RASA1: variants seen among roughly 807,000 people sequenced by gnomAD.
The protein encoded by RASA1 is RAS p21 protein activator 1.
In RASA1, 25 loss-of-function variants were observed where a neutral mutation model predicts 132.2. The ratio of observed to expected loss-of-function variants is 0.19; its 90% confidence interval spans 0.14 to 0.26. The LOEUF is 0.26. Ranked by LOEUF, RASA1 falls within the 10% of genes least tolerant of loss-of-function variation. RASA1 has a pLI of 1.00. For missense variants in RASA1, 964 were observed against 1,299.2 expected (o/e 0.74, Z 3.97); for synonymous variants, 477 against 449.9 (o/e 1.06, Z -0.76).
At chr5:87,301,610 C>T (rs1015278110) in intron 1 of RASA1, among the ~76,000 whole-genome samples, 1 of 152,092 alleles carries the variant, frequency 6.6e-6, no homozygotes, top group Non-Finnish European at 1.5e-5. Flanking sequence ...TTGAGTTTCC[C>T]TTAATGCTTA....
At chr5:87,361,076 T>C (rs920980083) in intron 9 of RASA1, among the ~76,000 whole-genome samples, 4 of 152,180 alleles carry the variant, frequency 2.6e-5, no homozygotes, top group Non-Finnish European at 4.4e-5. Flanking sequence ...ATTTCAGTTA[T>C]ATCATCCTCT....
At chr5:87,285,583 T>G (rs1463889658) in intron 1 of RASA1, among the ~76,000 whole-genome samples, 1 of 151,892 alleles carries the variant, frequency 6.6e-6, no homozygotes, top group Non-Finnish European at 1.5e-5. Context: ...TTAAAAACTT[T>G]TTTTTAAGAT....
At chr5:87,345,845 T>G (rs557251960) in intron 6 of RASA1, among the ~76,000 whole-genome samples, 1 of 152,254 alleles carries the variant, frequency 6.6e-6, no homozygotes, top group African/African-American at 2.4e-5. Context: ...CACAAAGTAG[T>G]AGATAGGTGA....
intron 1 of RASA1, among the ~76,000 whole-genome samples, chr5:87,286,005 T>A (rs1477637837): frequency 6.6e-6 from 1 of 151,674 alleles, no homozygotes; most frequent in African/African-American, 2.4e-5. Context: ...CACCTTTCTT[T>A]TATTATTATT....
chr5:87,268,559 G>A lies in RASA1; in HGVS notation c.108G>A (p.Val36=), dbSNP rs1352133642. 1 of 1,605,232 alleles carries A rather than the reference G, an allele frequency of 6.2e-7. No individual in the cohort carries two copies. Among genetic ancestry groups the A allele is most frequent in the Admixed American group, 1.7e-5 (1 of 58,438 alleles). The change falls in exon 1 of 25, where the codon GTG becomes GTA. Residue 36 remains valine (V), a synonymous_variant. Transcript: ENST00000274376. ...GSSAYPAVCR[V]KIPAALPVAA... Reference sequence around the variant, plus strand: ...GTGCCTATCCCGCAGTGTGTCGGGTGAAGATACCCGCGGCCCTGCCTGTGG... The same window carrying A: ...GTGCCTATCCCGCAGTGTGTCGGGTAAAGATACCCGCGGCCCTGCCTGTGG...
intron 24 of RASA1, 52 bp downstream of exon 24, chr5:87,389,579 G>T: frequency 6.3e-7 from 1 of 1,599,092 alleles, no homozygotes; most frequent in South Asian, 1.1e-5. Context: ...ATAACACTTA[G>T]AGAGTTAATA....
At position 87,268,315 on chromosome 5, in the gene RASA1, T is replaced by A; in HGVS notation, c.-137T>A. On this transcript the variant is annotated 5_prime_UTR_variant, in exon 1 of 25. Transcript: ENST00000274376. ...TAGGAGGGGGCGCGGCGGCGGGCTC[T>A]CTCCTTTTGTTGTTGTTTCCTCAGC... is the stretch of plus-strand genomic sequence containing the variant. 1.8e-6 allele frequency: 2 copies of A among 1,106,772 alleles called. No homozygotes were observed. The highest frequency in any genetic ancestry group is 2.4e-6 in the Non-Finnish European group (2 of 816,728). 68.6% of individuals were successfully genotyped at this position (1,106,772 alleles called of 1,614,324 possible).
At chr5:87,372,277 T>C (rs954634833) in intron 13 of RASA1, 82 bp downstream of exon 13, 1 of 1,299,390 alleles carries the variant, frequency 7.7e-7, no homozygotes, top group South Asian at 1.2e-5. Flanking sequence ...TTATCTGAAC[T>C]GTTTTGGACA....
At chr5:87,269,409 C>T (rs1263646508) in intron 1 of RASA1, 9 of 1,187,590 alleles carry the variant, frequency 7.6e-6, no homozygotes, top group Non-Finnish European at 1.1e-5. Context: ...GGTGTTTAAA[C>T]GAGTACTATA....
chr5:87,331,409 T>C lies in RASA1; in HGVS notation c.601T>C (p.Ser201Pro). ...AGAACGCCTCAGGCAGGCAGGGAAGTCTGGCAGTTATCTTATAAGAGAGAG... is the reference window on the plus strand; with the variant it reads ...AGAACGCCTCAGGCAGGCAGGGAAGCCTGGCAGTTATCTTATAAGAGAGAG... ...AEERLRQAGK[S>P]GSYLIRESDR... Residue 201 changes from serine to proline, a missense_variant, in exon 2 of 25, where the codon TCT (serine) becomes CCT (proline). Physicochemically the swap from Ser to Pro is moderately conservative, Grantham distance 74. Around this residue, in one of 6 missense-constraint regions of RASA1, gnomAD observed 326 missense variants for 275.8 expected, o/e 1.18. Transcript: ENST00000274376. 1 of 1,613,596 alleles carries C rather than the reference T, an allele frequency of 6.2e-7. No individual in the cohort carries two copies. The highest frequency in any genetic ancestry group is 1.1e-5 in the South Asian group (1 of 91,070).
chr5:87,310,292 A>G (rs552539130), intron 1 of RASA1, among the ~76,000 whole-genome samples: 1 of 152,326 alleles, frequency 6.6e-6, no homozygotes, highest in South Asian at 2.1e-4. Context: ...ATTCATCTAA[A>G]GAAAAATTAC....
At chr5:87,385,213 A>AAGAAATAT in intron 21 of RASA1, 88 bp from the exon 22 acceptor site, 1 of 872,862 alleles carries the variant, frequency 1.1e-6, no homozygotes, top group Non-Finnish European at 1.9e-6. Context: ...TTTAACAGTA[A>AAGAAATAT]AGAAATATTA....
At chr5:87,315,222 T>G (rs1756234209) in intron 1 of RASA1, among the ~76,000 whole-genome samples, 1 of 152,222 alleles carries the variant, frequency 6.6e-6, no homozygotes, top group Non-Finnish European at 1.5e-5. Context: ...TAATTTATTT[T>G]AAAAAACTAT....
chr5:87,374,147 A>T lies in RASA1; in HGVS notation c.1777-16A>T, dbSNP rs75512926. 0.01 allele frequency: 10,305 copies of T among 1,004,498 alleles called. 100 individuals carry two copies. Among genetic ancestry groups the T allele is most frequent in the Admixed American group, 0.069 (1,958 of 28,232 alleles). The allele number at this position is 1,004,498 out of a possible 1,614,324, so 62.2% of individuals were successfully genotyped here. On this transcript the variant is annotated splice_polypyrimidine_tract_variant and intron_variant, in intron 13 of 24. Transcript: ENST00000274376. Reference sequence around the variant, plus strand: ...AATCTGGGGTAATATATATATATATATTTTTTTTTTTTTAGGTCAGCAGCC... The same window carrying T: ...AATCTGGGGTAATATATATATATATTTTTTTTTTTTTTTAGGTCAGCAGCC...
intron 1 of RASA1, among the ~76,000 whole-genome samples, chr5:87,296,018 T>C (rs1413979913): frequency 1.3e-5 from 2 of 152,170 alleles, no homozygotes; most frequent in East Asian, 3.9e-4. Context: ...AGTTTTGCCA[T>C]GTTGGCCAGG....
At chr5:87,368,744 G>A (rs949392366) in intron 11 of RASA1, among the ~76,000 whole-genome samples, 15 of 152,078 alleles carry the variant, frequency 9.9e-5, no homozygotes, top group African/African-American at 2.9e-4. Flanking sequence ...TCTGCTTAGC[G>A]TCTCAGCTAC....
chr5:87,385,512 G>A, intron 22 of RASA1, 123 bp downstream of exon 22: 1 of 754,894 alleles, frequency 1.3e-6, no homozygotes, highest in Admixed American at 2.2e-5. Flanking sequence ...GATTATTTTT[G>A]TTGGTATGTT....
intron 4 of RASA1, among the ~76,000 whole-genome samples, chr5:87,333,737 TGTTA>T (rs1757759833): frequency 6.6e-6 from 1 of 152,152 alleles, no homozygotes; most frequent in African/African-American, 2.4e-5. Flanking sequence ...CTATGCAACA[TGTTA>T]GTTTGTGGTT....
intron 1 of RASA1, among the ~76,000 whole-genome samples, chr5:87,291,883 C>T (rs1387727107): frequency 1.3e-5 from 2 of 152,200 alleles, no homozygotes; most frequent in East Asian, 3.8e-4. Context: ...TACCCAGGCT[C>T]AGGTATTTCT....
Sources: allele counts gnomAD v4.1 joint callset (sites outside exome capture counted in the v4.1 genomes callset), GRCh38; gene constraint gnomAD v4.1.1; regional missense constraint gnomAD v4.1.1; transcripts MANE v1.5; gene names NCBI Gene and HGNC (gene_info 2026-07-23, HGNC 2026-07-21).